Variants in HTR4 observed in about 807,000 individuals in gnomAD.
HTR4 encodes the protein 5-hydroxytryptamine receptor 4.
A neutral mutation model predicts 36.8 loss-of-function variants in HTR4; 16 were observed. That is an observed-to-expected ratio of 0.43 (90% CI 0.29 to 0.66). HTR4 has a LOEUF of 0.66. Among genes scored for constraint, HTR4 ranks in the 30% least tolerant of loss-of-function variants. HTR4 has a pLI of 0.13. For synonymous variants in HTR4, 189 were observed against 185.1 expected, an observed-to-expected ratio of 1.02 and a Z score of -0.17; for missense variants, 438 against 490.9, an observed-to-expected ratio of 0.89 and a Z score of 1.02.
intron 2 of HTR4, among the ~76,000 whole-genome samples, chr5:148,554,598 T>A (rs577676114): frequency 1.3e-5 from 2 of 152,268 alleles, no homozygotes; most frequent in East Asian, 3.9e-4. Context: ...TTATAGAGTG[T>A]TTGGAATGAT....
intron 2 of HTR4, among the ~76,000 whole-genome samples, chr5:148,613,161 T>TCCTC (rs1752512659): frequency 1.3e-5 from 2 of 151,014 alleles, no homozygotes; most frequent in South Asian, 4.2e-4. Flanking sequence ...AAAGAAGGAA[T>TCCTC]CCTCCCTAAC....
intron 2 of HTR4, among the ~76,000 whole-genome samples, chr5:148,605,009 A>G (rs1376414230): frequency 6.6e-6 from 1 of 152,202 alleles, no homozygotes; most frequent in Admixed American, 6.5e-5. Context: ...GTAAGCCACT[A>G]CGTAAAATAA....
chr5:148,582,429 T>C (rs1056983983), intron 2 of HTR4, among the ~76,000 whole-genome samples: 1 of 151,824 alleles, frequency 6.6e-6, no homozygotes, highest in Non-Finnish European at 1.5e-5. Flanking sequence ...AATAGTTAGT[T>C]TTTCAACCTT....
At chr5:148,468,790 C>T (rs973598918) in intron 5 of HTR4, among the ~76,000 whole-genome samples, 1 of 152,114 alleles carries the variant, frequency 6.6e-6, no homozygotes, top group African/African-American at 2.4e-5. Context: ...CCCCATGTGT[C>T]GTGGGAGGGA....
chr5:148,611,583 G>A (rs1292908599), intron 2 of HTR4, among the ~76,000 whole-genome samples: 150 of 144,248 alleles, frequency 1.0e-3, no homozygotes, highest in African/African-American at 3.7e-3. Context: ...ATGCCAAAAT[G>A]TAAAGACCAT....
chr5:148,504,293 C>A (rs1757079232), intron 6 of HTR4, among the ~76,000 whole-genome samples: 1 of 152,166 alleles, frequency 6.6e-6, no homozygotes, highest in African/African-American at 2.4e-5. Flanking sequence ...AACAAACTGT[C>A]TCTCAGACCA....
chr5:148,481,540 T>TTTTTTC (rs1755884896), downstream of HTR4: 1 of 1,526,270 alleles, frequency 6.6e-7, no homozygotes. Flanking sequence ...AGAGGCTTTT[T>TTTTTTC]TTTTTCTTTT....
chr5:148,507,339 A>C (rs528365514), intron 6 of HTR4, among the ~76,000 whole-genome samples: 1 of 133,318 alleles, frequency 7.5e-6, no homozygotes, highest in Non-Finnish European at 1.5e-5. Context: ...ACATTTGGAC[A>C]CAGGAAGGGG....
chr5:148,606,661 T>C (rs1284033184), intron 2 of HTR4, among the ~76,000 whole-genome samples: 7 of 152,336 alleles, frequency 4.6e-5, no homozygotes, highest in Non-Finnish European at 1.0e-4. Context: ...GAATCATACA[T>C]ATTCAACTCT....
At chr5:148,559,874 GC>G (rs1760117412) in intron 2 of HTR4, among the ~76,000 whole-genome samples, 1 of 151,936 alleles carries the variant, frequency 6.6e-6, no homozygotes, top group African/African-American at 2.4e-5. Flanking sequence ...TCTTTTCCCC[GC>G]TTATAAAGCT....
chr5:148,454,600 A>T (rs1755052814), intron 5 of HTR4, among the ~76,000 whole-genome samples: 1 of 152,126 alleles, frequency 6.6e-6, no homozygotes, highest in African/African-American at 2.4e-5. Context: ...AGCCTCCCTG[A>T]CTTTGCCTTT....
intron 1 of HTR4, among the ~76,000 whole-genome samples, chr5:148,637,454 T>C (rs1364015041): frequency 1.3e-5 from 2 of 152,010 alleles, no homozygotes; most frequent in Admixed American, 1.3e-4. Flanking sequence ...CCTATGAGGA[T>C]TTTAAAAAAA....
At chr5:148,626,800 A>G (rs1753125479) in intron 2 of HTR4, among the ~76,000 whole-genome samples, 1 of 152,166 alleles carries the variant, frequency 6.6e-6, no homozygotes, top group Non-Finnish European at 1.5e-5. Context: ...TTTATTTTAT[A>G]TTTAATTGAC....
intron 4 of HTR4, among the ~76,000 whole-genome samples, chr5:148,531,280 C>G (rs1758552761): frequency 6.6e-6 from 1 of 152,038 alleles, no homozygotes; most frequent in African/African-American, 2.4e-5. Flanking sequence ...TCCCACAGTT[C>G]CCATGTGTTG....
At chr5:148,529,892 G>A (rs1300879794) in intron 4 of HTR4, among the ~76,000 whole-genome samples, 1 of 152,190 alleles carries the variant, frequency 6.6e-6, no homozygotes, top group Non-Finnish European at 1.5e-5. Flanking sequence ...GAGCAAAGGT[G>A]GCTCTTGTTA....
chr5:148,523,086 C>T, intron 5 of HTR4, 107 bp downstream of exon 5: 1 of 1,088,276 alleles, frequency 9.2e-7, no homozygotes, highest in Non-Finnish European at 1.3e-6. Context: ...ATCACCCAGA[C>T]CACTATCAGA....
intron 2 of HTR4, among the ~76,000 whole-genome samples, chr5:148,581,989 C>T (rs925435151): frequency 1.3e-5 from 2 of 152,014 alleles, no homozygotes; most frequent in Admixed American, 6.6e-5. Flanking sequence ...ACATTTTTAT[C>T]TAATTTCTTT....
intron 6 of HTR4, among the ~76,000 whole-genome samples, chr5:148,496,339 T>C (rs900230192): frequency 6.6e-6 from 1 of 152,108 alleles, no homozygotes; most frequent in Non-Finnish European, 1.5e-5. Flanking sequence ...ATGATTCTAA[T>C]GTGAGTGATC....
chr5:148,590,380 C>A (rs1459034458), intron 2 of HTR4, among the ~76,000 whole-genome samples: 2 of 138,582 alleles, frequency 1.4e-5, no homozygotes, highest in African/African-American at 5.6e-5. Context: ...CTCACCACAA[C>A]CTCCACCTCC....
Sources: gnomAD v4.1 joint callset for allele counts (sites outside exome capture counted in the v4.1 genomes callset) on GRCh38, gnomAD v4.1.1 for gene constraint, MANE v1.5 for transcripts, NCBI Gene and HGNC (gene_info 2026-07-23, HGNC 2026-07-21) for gene names.